The following PTGER3 variants were observed in gnomAD, a reference collection of about 807,000 sequenced individuals.
The protein encoded by PTGER3 is prostaglandin E2 receptor EP3 subtype.
Under a neutral mutation model 34.7 loss-of-function variants are expected in PTGER3, and 22 were observed. The ratio of observed to expected loss-of-function variants is 0.63; its 90% CI spans 0.45 to 0.91. The LOEUF (loss-of-function observed/expected upper bound fraction) is 0.91, where lower values mean the gene tolerates loss of function less well. PTGER3 is among the 40% of genes least tolerant of loss of function. PTGER3 has a pLI of 0.00. For synonymous variants in PTGER3, 241 were observed against 230.1 expected, an observed-to-expected ratio of 1.05 and a Z score of -0.43; for missense variants, 468 against 519.4, an observed-to-expected ratio of 0.90 and a Z score of 0.96.
chr1:70,861,587 G>C (rs1645928429), intron 4 of PTGER3, among the ~76,000 whole-genome samples: 1 of 151,994 alleles, frequency 6.6e-6, no homozygotes, highest in South Asian at 2.1e-4. Flanking sequence ...CACAATCATT[G>C]TGTGTCAATC....
intron 4 of PTGER3, among the ~76,000 whole-genome samples, chr1:70,922,221 T>C (rs868799588): frequency 3.9e-4 from 59 of 151,614 alleles, no homozygotes; most frequent in Middle Eastern, 3.4e-3. Context: ...CAAAGAAGGT[T>C]ATAAAGAAAG....
intron 4 of PTGER3, among the ~76,000 whole-genome samples, chr1:70,905,353 C>T (rs7530658): frequency 0.079 from 11,976 of 151,826 alleles, 927 homozygotes; most frequent in African/African-American, 0.2. Context: ...CACCATCCTC[C>T]ACACCCCAGA....
chr1:71,034,441 A>G (rs1659656085), intron 1 of PTGER3, among the ~76,000 whole-genome samples: 1 of 152,210 alleles, frequency 6.6e-6, no homozygotes, highest in Non-Finnish European at 1.5e-5. Context: ...CCTGGCACAA[A>G]ATGCACCAGA....
At chr1:71,045,639 C>T (rs1218325877) in intron 1 of PTGER3, among the ~76,000 whole-genome samples, 1 of 152,178 alleles carries the variant, frequency 6.6e-6, no homozygotes, top group Non-Finnish European at 1.5e-5. Context: ...CCTCTGCAAA[C>T]ATCCCTTGCT....
intron 4 of PTGER3, among the ~76,000 whole-genome samples, chr1:70,861,078 G>A (rs991518811): frequency 6.6e-6 from 1 of 152,174 alleles, no homozygotes; most frequent in Non-Finnish European, 1.5e-5. Flanking sequence ...CTTCACAGAA[G>A]TGACAATTAA....
chr1:71,047,263 G>A lies in PTGER3; in HGVS notation c.315C>T (p.Leu105=). 2.5e-6 allele frequency: 4 copies of A among 1,596,292 alleles called. No homozygotes were observed. The highest frequency in any genetic ancestry group is 3.4e-6 in the Non-Finnish European group (4 of 1,172,112). The change falls in exon 1 of 4, where the codon CTC becomes CTT. Residue 105 remains leucine (L), a synonymous_variant. Transcript: ENST00000306666. Reference sequence around the variant, plus strand: ...ACACGACGATGACGACCGGGGTGGTGAGAAGCTGCCCGACCAGGTCGGTGA... The same window carrying A: ...ACACGACGATGACGACCGGGGTGGTAAGAAGCTGCCCGACCAGGTCGGTGA... ...LALTDLVGQL[L]TTPVVIVVYL...
At chr1:70,990,176 AC>A (rs1018037336) in intron 2 of PTGER3, among the ~76,000 whole-genome samples, 2 of 151,104 alleles carry the variant, frequency 1.3e-5, no homozygotes, top group African/African-American at 4.9e-5. Flanking sequence ...ACACGGTGAA[AC>A]CCCCTCTCTA....
intron 4 of PTGER3, among the ~76,000 whole-genome samples, chr1:70,867,764 A>G (rs1209291729): frequency 2.0e-5 from 3 of 152,176 alleles, no homozygotes; most frequent in African/African-American, 7.2e-5. Context: ...AAATCCTGAC[A>G]TGGTCAGTAA....
chr1:70,988,289 CATAAA>C (rs1655110016), intron 2 of PTGER3, among the ~76,000 whole-genome samples: 1 of 152,118 alleles, frequency 6.6e-6, no homozygotes, highest in African/African-American at 2.4e-5. Flanking sequence ...AATATGGGTA[CATAAA>C]ATAAGGAACC....
At chr1:70,921,826 C>T (rs1234147818) in intron 4 of PTGER3, among the ~76,000 whole-genome samples, 2 of 152,024 alleles carry the variant, frequency 1.3e-5, no homozygotes, top group African/African-American at 4.8e-5. Context: ...CCTTTATCTT[C>T]TGTCTATGTA....
chr1:70,977,247 T>C (rs1043471551), intron 2 of PTGER3, among the ~76,000 whole-genome samples: 1 of 152,088 alleles, frequency 6.6e-6, no homozygotes, highest in Non-Finnish European at 1.5e-5. Context: ...TCCAGAAACA[T>C]AGCTCATTTG....
At chr1:70,921,616 G>A (rs766805635) in intron 4 of PTGER3, among the ~76,000 whole-genome samples, 176 of 151,658 alleles carry the variant, frequency 1.2e-3, no homozygotes, top group Non-Finnish European at 2.4e-3. Context: ...CAGCAAACTG[G>A]TCAGTTATAA....
At chr1:70,883,196 T>G (rs1359494645) in intron 4 of PTGER3, among the ~76,000 whole-genome samples, 1 of 152,188 alleles carries the variant, frequency 6.6e-6, no homozygotes, top group Non-Finnish European at 1.5e-5. Context: ...TATTTTTATG[T>G]TCCTGAGGGC....
At chr1:71,006,807 T>C (rs1657008966) in intron 2 of PTGER3, 4 of 985,408 alleles carry the variant, frequency 4.1e-6, no homozygotes, top group Non-Finnish European at 4.8e-6. Context: ...AACATAGTTA[T>C]AGGTAAAGTA....
intron 4 of PTGER3, among the ~76,000 whole-genome samples, chr1:70,879,678 G>A (rs1646346788): frequency 6.6e-6 from 1 of 152,004 alleles, no homozygotes; most frequent in Non-Finnish European, 1.5e-5. Flanking sequence ...TGAATCTATG[G>A]GTGTCATTGT....
Position 70,906,224 on chromosome 1 carries a change from G to A in PTGER3, c.*23+47539C>T, listed in dbSNP as rs563625664. On this transcript the variant is annotated intron_variant, in intron 4 of 4. Coordinates refer to the PTGER3 transcript ENST00000370931. ...TCTCAGTTAGGTGTTTATCAGCAGC[G>A]TGAAAGCAGACTAATACAATGAGCT... Among the ~76,000 whole-genome samples, 24 of 152,242 alleles carry A rather than the reference G, an allele frequency of 1.6e-4. No individual in the cohort carries two copies. The South Asian group carries it at 4.6e-3, about 29-fold the overall frequency.
At chr1:70,990,820 A>G (rs1655408131) in intron 2 of PTGER3, among the ~76,000 whole-genome samples, 1 of 152,148 alleles carries the variant, frequency 6.6e-6, no homozygotes. Context: ...ACCACTCCAC[A>G]ATCATATAAT....
intron 4 of PTGER3, chr1:70,884,019 G>T (rs1308092598): frequency 2.7e-6 from 1 of 368,564 alleles, no homozygotes; most frequent in Non-Finnish European, 5.4e-6. Context: ...TGGAGGAGGT[G>T]AAGGTTGCAG....
chr1:71,037,727 C>CGGCAA (rs2100979560), intron 1 of PTGER3, among the ~76,000 whole-genome samples: 2 of 152,244 alleles, frequency 1.3e-5, no homozygotes, highest in East Asian at 3.9e-4. Context: ...AAGGAAAGTC[C>CGGCAA]GGCAAGATAA....
Sources: gnomAD v4.1 joint callset for allele counts (sites outside exome capture counted in the v4.1 genomes callset) on GRCh38, gnomAD v4.1.1 for gene constraint, MANE v1.5 for transcripts, NCBI Gene and HGNC (gene_info 2026-07-23, HGNC 2026-07-21) for gene names.